The following CFAP54 variants were observed in gnomAD, a reference collection of about 807,000 sequenced individuals.
CFAP54 encodes cilia and flagella associated protein 54, also known as cilia- and flagella-associated protein 54.
CFAP54 carries 290 observed loss-of-function variants against 370.4 expected under a neutral mutation model. The observed-to-expected ratio is 0.78, with a 90% CI of 0.71 to 0.86. The LOEUF is 0.86. CFAP54 is among the 40% of genes least tolerant of loss of function. The pLI is 0.00. For missense variants in CFAP54, 3,399 were observed against 3,528.7 expected, an observed-to-expected ratio of 0.96 and a Z score of 0.93; for synonymous variants, 1,206 against 1,236.5, an observed-to-expected ratio of 0.98 and a Z score of 0.52.
In CFAP54 at chr12:96,786,858, C is replaced by T. The variant is rs2136696283; in HGVS notation, c.8639C>T (p.Pro2880Leu). ...PKELLCQLEN[P>L]PLSEKDLRES... ...GAACTTCTTTGTCAACTGGAAAATC[C>T]CCCTCTTTCAGAAAAAGACTTACGT... The change falls in exon 62 of 68, where the codon CCC (proline) becomes CTC (leucine). Residue 2880 changes from proline (P) to leucine (L), a missense_variant. Pro to Leu is a moderately conservative substitution (Grantham distance 98, BLOSUM62 -3). This residue lies in a region of CFAP54 where 2,796 missense variants were observed against 2,869.7 expected (regional missense o/e 0.97). Coordinates refer to ENST00000524981, the MANE Select transcript of CFAP54 (RefSeq NM_001306084.2). 6.5e-7 allele frequency: 1 copy of T among 1,534,966 alleles called. No individual in the cohort carries two copies.
At chr12:96,789,669 G>A (rs1958666454) in intron 62 of CFAP54, among the ~76,000 whole-genome samples, 1 of 152,170 alleles carries the variant, frequency 6.6e-6, no homozygotes, top group East Asian at 1.9e-4. Flanking sequence ...TGCTCCAAAT[G>A]TTCAAGCTTG....
chr12:96,658,396 T>C, intron 38 of CFAP54, 50 bp downstream of exon 38: 1 of 1,579,960 alleles, frequency 6.3e-7, no homozygotes, highest in Non-Finnish European at 8.7e-7. Flanking sequence ...TTCTAATTAG[T>C]CCACATATAA....
At chr12:96,870,881 A>T (rs529845086) in intron 67 of CFAP54, among the ~76,000 whole-genome samples, 49 of 152,324 alleles carry the variant, frequency 3.2e-4, no homozygotes, top group African/African-American at 1.1e-3. Context: ...AGGAATGGTA[A>T]TCCTTGAAAT....
chr12:96,839,415 G>A (rs1464823331), intron 66 of CFAP54, among the ~76,000 whole-genome samples: 1 of 152,116 alleles, frequency 6.6e-6, no homozygotes. Context: ...CCTAAGGAGG[G>A]GCTGTAGCAG....
chr12:96,856,634 C>G (rs1959712336), intron 66 of CFAP54, among the ~76,000 whole-genome samples: 1 of 150,942 alleles, frequency 6.6e-6, no homozygotes. Context: ...TTGTCCATAT[C>G]ACTATCAGCA....
chr12:96,679,903 C>T, intron 40 of CFAP54, 151 bp downstream of exon 40: 1 of 736,976 alleles, frequency 1.4e-6, no homozygotes, highest in Non-Finnish European at 2.2e-6. Flanking sequence ...TGGATCTATT[C>T]TGTGTCTTAC....
chr12:96,552,015 G>A (rs1405783049), intron 15 of CFAP54, among the ~76,000 whole-genome samples: 1 of 152,138 alleles, frequency 6.6e-6, no homozygotes, highest in Non-Finnish European at 1.5e-5. Flanking sequence ...TGGAGGCCAA[G>A]GCGGGTGGAT....
chr12:96,566,215 G>A lies in CFAP54; in HGVS notation c.2619+1450G>A, dbSNP rs147523422. 4.3e-3 allele frequency among the ~76,000 whole-genome samples: 649 copies of A among 152,218 alleles called. 5 individuals carry two copies. The highest frequency in any genetic ancestry group is 0.015 in the African/African-American group (604 of 41,518). On this transcript the variant is annotated intron_variant, in intron 19 of 67. Coordinates refer to ENST00000524981, the MANE Select transcript of CFAP54 (RefSeq NM_001306084.2). ...ACTAATACACCTTCTTACCTCTGTC[G>A]GATGCAGTGGGAGGCAAGGATATCT...
chr12:96,590,521 A>T (rs1956113989), intron 23 of CFAP54, among the ~76,000 whole-genome samples: 1 of 152,240 alleles, frequency 6.6e-6, no homozygotes, highest in Non-Finnish European at 1.5e-5. Context: ...TAATGAGCTT[A>T]AATATGCAAA....
chr12:96,652,956 G>A (rs1956878561), intron 36 of CFAP54, among the ~76,000 whole-genome samples: 1 of 152,188 alleles, frequency 6.6e-6, no homozygotes. Context: ...TCATAAATAT[G>A]TATGTACCTA....
intron 55 of CFAP54, among the ~76,000 whole-genome samples, chr12:96,747,545 A>G (rs192529602): frequency 6.6e-6 from 1 of 152,342 alleles, no homozygotes; most frequent in Non-Finnish European, 1.5e-5. Flanking sequence ...AGTAAATGTT[A>G]GCTCCTTTTC....
rs1956764342 is a variant in CFAP54 at position 96,644,158 on chromosome 12, ACTT to A, written c.4317-16_4317-14del. ...CTGAAAGTTCTTGTGTAATTTCAAA[ACTT>A]CTTTCTCCCTTGGCAGAAATAGGAG... On this transcript the variant is annotated splice_polypyrimidine_tract_variant and intron_variant, in intron 32 of 67. Coordinates refer to ENST00000524981, the MANE Select transcript of CFAP54 (RefSeq NM_001306084.2). The A allele has an allele frequency of 1.4e-6, 2 of 1,472,124 alleles. No homozygotes were observed. The highest frequency in any genetic ancestry group is 4.9e-5 in the East Asian group (2 of 40,442). 91.2% of individuals were successfully genotyped at this position (1,472,124 alleles called of 1,614,324 possible).
chr12:96,562,065 T>C (rs1361228356), intron 17 of CFAP54, among the ~76,000 whole-genome samples: 1 of 151,992 alleles, frequency 6.6e-6, no homozygotes, highest in East Asian at 1.9e-4. Flanking sequence ...GGATTACAGG[T>C]GTGAGCCACT....
intron 64 of CFAP54, among the ~76,000 whole-genome samples, chr12:96,813,000 T>C (rs1958942232): frequency 1.3e-5 from 2 of 152,146 alleles, no homozygotes; most frequent in Non-Finnish European, 2.9e-5. Context: ...CCAAGTGAAA[T>C]GGTCAAAAAC....
chr12:96,806,686 G>C (rs1958886363), intron 63 of CFAP54, among the ~76,000 whole-genome samples: 1 of 152,118 alleles, frequency 6.6e-6, no homozygotes, highest in African/African-American at 2.4e-5. Flanking sequence ...CTGTAACTCA[G>C]GGACCATGCA....
intron 66 of CFAP54, among the ~76,000 whole-genome samples, chr12:96,852,808 C>A (rs533593932): frequency 2.0e-5 from 3 of 151,998 alleles, no homozygotes; most frequent in Non-Finnish European, 4.4e-5. Flanking sequence ...AAAAAGACAC[C>A]TCAATATAAA....
At chr12:96,529,217 A>G (rs1220099142) in intron 9 of CFAP54, among the ~76,000 whole-genome samples, 10 of 152,122 alleles carry the variant, frequency 6.6e-5, no homozygotes. Flanking sequence ...TTGAAAGACT[A>G]TGTATTTTTT....
intron 33 of CFAP54, chr12:96,646,201 A>G (rs1370769590): frequency 6.6e-6 from 1 of 152,214 alleles, no homozygotes; most frequent in African/African-American, 2.4e-5. Context: ...CAATCTACTC[A>G]TCTGACAAAG....
At position 96,522,151 on chromosome 12, in the gene CFAP54, A is replaced by C; in HGVS notation, c.1120A>C (p.Arg374=). The C allele has an allele frequency of 6.5e-7, 1 of 1,535,482 alleles. No homozygotes were observed. Among genetic ancestry groups the C allele is most frequent in the Non-Finnish European group, 8.7e-7 (1 of 1,146,688 alleles). ...ESRRKNKAVF[R]PKIRINLREV... is the part of the protein sequence containing the mutation. ...TAGAAGAAAAAACAAAGCTGTCTTT[A>C]GACCTAAGATAAGAATTAACCTAAG... The change falls in exon 8 of 68, where the codon AGA becomes CGA. Residue 374 remains arginine, a synonymous_variant. Transcript: ENST00000524981.
Sources: allele counts gnomAD v4.1 joint callset (sites outside exome capture counted in the v4.1 genomes callset), GRCh38; gene constraint gnomAD v4.1.1; regional missense constraint gnomAD v4.1.1; transcripts MANE v1.5; gene names NCBI Gene and HGNC (gene_info 2026-07-23, HGNC 2026-07-21).